MAMDC4: variants seen among roughly 807,000 people sequenced by gnomAD.
MAMDC4 encodes apical endosomal glycoprotein.
A neutral mutation model predicts 153.3 loss-of-function variants in MAMDC4; 168 were observed. The observed-to-expected ratio is 1.10, with a 90% confidence interval of 0.97 to 1.25. MAMDC4 has a LOEUF of 1.25. Among genes scored for constraint, MAMDC4 ranks in the 50% most tolerant of loss-of-function variants. The pLI, the probability that MAMDC4 is intolerant of heterozygous loss-of-function variation, is 0.00. For synonymous variants in MAMDC4, 744 were observed against 651.5 expected (o/e 1.14, Z -2.16); for missense variants, 1,701 against 1,542.8 (o/e 1.10, Z -1.72).
rs371230638 is a variant in MAMDC4, at chr9:136,856,242, C to T, written c.1720+93C>T. On this transcript the variant is annotated intron_variant, in intron 14 of 26. Coordinates refer to ENST00000317446, the MANE Select transcript of MAMDC4 (RefSeq NM_206920.3). ...GGGCCGGGTGACCCACAGTGCCCCC[C>T]GCCCCGCTGGCCAGGCTTCCTGGCA... is the stretch of plus-strand genomic sequence containing the variant. 82 of 1,588,826 alleles carry T rather than the reference C, an allele frequency of 5.2e-5. 1 individual carries two copies. Among genetic ancestry groups the T allele is most frequent in the African/African-American group, 3.0e-4 (22 of 74,526 alleles).
chr9:136,857,329 G>C, intron 17 of MAMDC4, 31 bp downstream of exon 17: 2 of 1,607,626 alleles, frequency 1.2e-6, no homozygotes, highest in South Asian at 2.2e-5. Context: ...GGGAGGACAG[G>C]GCAGGGCCCC....
chr9:136,858,917 T>C (rs1849047366), intron 23 of MAMDC4, 64 bp downstream of exon 23: 3 of 1,551,266 alleles, frequency 1.9e-6, no homozygotes, highest in Admixed American at 4.1e-5. Flanking sequence ...GGAGCAGAGG[T>C]GGGGAGGTGG....
Position 136,859,218 on chromosome 9 carries a change from G to C in MAMDC4, c.3094G>C (p.Glu1032Gln). 4 of 1,611,246 alleles carry C rather than the reference G, an allele frequency of 2.5e-6. No individual in the cohort carries two copies. Among genetic ancestry groups the C allele is most frequent in the Non-Finnish European group, 3.4e-6 (4 of 1,178,998 alleles). Reference protein sequence around the residue: ...ASAKEFQIVFEATLGGQPALG... With the variant: ...ASAKEFQIVFQATLGGQPALG... Reference sequence around the variant, plus strand: ...TTTCCTTCTCCATCAGATCGTGTTTGAAGCCACTCTGGGCGGCCAGCCAGC... The same window carrying C: ...TTTCCTTCTCCATCAGATCGTGTTTCAAGCCACTCTGGGCGGCCAGCCAGC... The change falls in exon 25 of 27, where the codon GAA (glutamate) becomes CAA (glutamine). Residue 1032 changes from glutamate to glutamine, a missense_variant. By Grantham distance (29) the Glu-to-Gln change is conservative. Transcript: ENST00000317446.
In MAMDC4 at chr9:136,853,689, AGGCTCGTGGGG is replaced by A. The variant is rs769232048; in HGVS notation, c.454+22_454+32del. On this transcript the variant is annotated intron_variant, in intron 4 of 26. Transcript: ENST00000317446. ...TCTGGAGGTGCACCCTGGACCCCCA[AGGCTCGTGGGG>A]GGTGCCCAAGGGGAGGGCGGGTGGG... 1.5e-6 allele frequency: 2 copies of A among 1,293,156 alleles called. No homozygotes were observed. Among genetic ancestry groups the A allele is most frequent in the South Asian group, 2.3e-5 (2 of 85,534 alleles). 80.1% of individuals were successfully genotyped at this position (1,293,156 alleles called of 1,614,324 possible). A position where few individuals can be genotyped will look rare whatever the true frequency, so the allele number is the denominator to read the frequency against.
rs945361066 is a variant in MAMDC4 at position 136,853,628 on chromosome 9, T to G, written c.412T>G (p.Ser138Ala). Residue 138 changes from serine to alanine, a missense_variant, in exon 4 of 27, where the codon TCC becomes GCC. Transcript: ENST00000317446. ...LRSPTLREAA[S>A]SCKLRLWYHA... ...CTCGCCAACCCTGCGAGAGGCAGCC[T>G]CCTCTTGCAAGCTGAGGCTCTGGTA... 13 of 1,602,832 alleles carry G rather than the reference T, an allele frequency of 8.1e-6. No homozygotes were observed. The highest frequency in any genetic ancestry group is 9.4e-6 in the Non-Finnish European group (11 of 1,174,644).
intron 26 of MAMDC4, 119 bp downstream of exon 26, chr9:136,860,183 C>T: frequency 1.7e-6 from 2 of 1,178,792 alleles, no homozygotes; most frequent in African/African-American, 1.5e-5. Flanking sequence ...AAGGCCCATC[C>T]TTGCCCTCCC....
Position 136,859,216 on chromosome 9 carries a change from T to C in MAMDC4, c.3092T>C (p.Phe1031Ser). Residue 1031 changes from phenylalanine (F) to serine (S), a missense_variant, in exon 25 of 27, where the codon TTT (phenylalanine) becomes TCT (serine). Coordinates refer to ENST00000317446, the MANE Select transcript of MAMDC4 (RefSeq NM_206920.3). The stretch of plus-strand genomic sequence containing the variant: ...CCTTTCCTTCTCCATCAGATCGTGT[T>C]TGAAGCCACTCTGGGCGGCCAGCCA... The part of the protein sequence containing the change: ...VASAKEFQIV[F>S]EATLGGQPAL... The C allele has an allele frequency of 1.9e-6, 3 of 1,611,192 alleles. No individual in the cohort carries two copies. Among genetic ancestry groups the C allele is most frequent in the South Asian group, 1.1e-5 (1 of 90,874 alleles).
Position 136,858,406 on chromosome 9 carries a change from G to T in MAMDC4, c.2681G>T (p.Cys894Phe). 6.2e-7 allele frequency: 1 copy of T among 1,602,852 alleles called. No individual in the cohort carries two copies. The highest frequency in any genetic ancestry group is 8.5e-7 in the Non-Finnish European group (1 of 1,179,838). The change falls in exon 22 of 27, where the codon TGT becomes TTT. Residue 894 changes from cysteine (C) to phenylalanine (F), a missense_variant. Physicochemically the swap from Cys to Phe is radical, Grantham distance 205. Transcript: ENST00000317446. ...QDGPCPQPGS[C>F]DFESGLCGWS... is the part of the protein sequence containing the mutation. ...ACCCACCCATGTCCTGCAGGTTCCT[G>T]TGATTTTGAGTCTGGCCTGTGTGGC...
At chr9:136,858,336 C>G (rs915501645) in intron 21 of MAMDC4, 60 bp downstream of exon 21, 1 of 1,600,028 alleles carries the variant, frequency 6.2e-7, no homozygotes, top group African/African-American at 1.3e-5. Context: ...CCTTTCCCTT[C>G]GTAGTCGTGG....
chr9:136,859,543 C>T (rs960446643), intron 25 of MAMDC4: 1 of 595,934 alleles, frequency 1.7e-6, no homozygotes, highest in Non-Finnish European at 2.9e-6. Context: ...GCCTCTGGGG[C>T]CTGCCCTGCC....
intron 1 of MAMDC4, among the ~76,000 whole-genome samples, chr9:136,852,851 C>T (rs1465797796): frequency 6.6e-6 from 1 of 152,218 alleles, no homozygotes; most frequent in Non-Finnish European, 1.5e-5. Context: ...GTTCCTGCTA[C>T]CTTTCTTGGG....
In MAMDC4 at chr9:136,853,669, A is replaced by G; in HGVS notation, c.453A>G (p.Gly151=). Residue 151 remains glycine, a splice_region_variant and synonymous_variant, in exon 4 of 27, where the codon GGA becomes GGG. Transcript: ENST00000317446. ...GGCTCTGGTACCACGCGGCCTCTGG[A>G]GGTGCACCCTGGACCCCCAAGGCTC... ...KLRLWYHAAS[G]DVAELRVELT... 2.2e-6 allele frequency: 3 copies of G among 1,360,640 alleles called. No individual in the cohort carries two copies. In the South Asian group the frequency reaches 3.4e-5, roughly 16 times the overall value. 84.3% of individuals were successfully genotyped at this position (1,360,640 alleles called of 1,614,324 possible).
At position 136,859,255 on chromosome 9, in the gene MAMDC4, T is replaced by C. The variant is rs772071918; in HGVS notation, c.3131T>C (p.Ile1044Thr). 1.6e-5 allele frequency: 26 copies of C among 1,611,974 alleles called. No individual in the cohort carries two copies. Among genetic ancestry groups the C allele is most frequent in the African/African-American group, 2.7e-5 (2 of 74,910 alleles). ...GGCGGCCAGCCAGCCCTGGGGCCCA[T>C]TGCCCTGGATGACGTGGAGTATCTG... is the stretch of plus-strand genomic sequence containing the variant. ...TLGGQPALGP[I>T]ALDDVEYLAG... Residue 1044 changes from isoleucine (I) to threonine (T), a missense_variant, in exon 25 of 27, where the codon ATT (isoleucine) becomes ACT (threonine). Transcript: ENST00000317446.
In MAMDC4 at chr9:136,853,120, C is replaced by T. The variant is rs764284938; in HGVS notation, c.65C>T (p.Ala22Val). ...CCAGCAGCAGGGTCCTCAGGCTGGG[C>T]CTGGGTCCCCAACCACTGCAGGAGC... Reference protein sequence around the residue: ...VLFLAGSSGWAWVPNHCRSPG... With the variant: ...VLFLAGSSGWVWVPNHCRSPG... Residue 22 changes from alanine (A) to valine (V), a missense_variant, in exon 2 of 27, where the codon GCC becomes GTC. Coordinates refer to ENST00000317446, the MANE Select transcript of MAMDC4 (RefSeq NM_206920.3). 5 of 1,612,598 alleles carry T rather than the reference C, an allele frequency of 3.1e-6. No individual in the cohort carries two copies. The South Asian group carries it at 4.4e-5, about 14-fold the overall frequency.
chr9:136,857,195 GGGA>G lies in MAMDC4; in HGVS notation c.2008_2010del (p.Glu670del), dbSNP rs1198009824. 1 of 1,612,340 alleles carries G rather than the reference GGGA, an allele frequency of 6.2e-7. No homozygotes were observed. Among genetic ancestry groups the G allele is most frequent in the South Asian group, 1.1e-5 (1 of 90,978 alleles). On this transcript the variant is annotated inframe_deletion, in exon 17 of 27. Transcript: ENST00000317446. ...CTGCGCCTAGCCATGAGACGGGAAG[GGGA>G]GGAGACACACCTGTGGTCGCGGTCA...
At position 136,852,384 on chromosome 9, in the gene MAMDC4, C is replaced by T. The variant is rs1348487960; in HGVS notation, c.-33C>T. 1 of 1,607,056 alleles carries T rather than the reference C, an allele frequency of 6.2e-7. No homozygotes were observed. The highest frequency in any genetic ancestry group is 1.7e-5 in the Admixed American group (1 of 60,028). ...AACCGCACGGAACTTCCCAGGCACC[C>T]TGTGTGGCCGCACTGCTCCCTCTGG... On this transcript the variant is annotated 5_prime_UTR_variant, in exon 1 of 27. Coordinates refer to ENST00000317446, the MANE Select transcript of MAMDC4 (RefSeq NM_206920.3).
rs749064948 is a variant in MAMDC4 at position 136,860,044 on chromosome 9, G to A, written c.3352G>A (p.Asp1118Asn). 10 of 1,595,784 alleles carry A rather than the reference G, an allele frequency of 6.3e-6. No individual in the cohort carries two copies. In the Admixed American group the frequency reaches 7.0e-5, roughly 11 times the overall value. Residue 1118 changes from aspartate to asparagine, a missense_variant, in exon 26 of 27, where the codon GAC becomes AAC. Transcript: ENST00000317446. ...SNTEATAPGFDNILFNADGVT... is the reference protein window; with the variant it reads ...SNTEATAPGFNNILFNADGVT... ...CACAGAGGCCACAGCCCCTGGCTTTGACAACATCCTTTTCAATGCGGTAGG... is the reference window on the plus strand; with the variant it reads ...CACAGAGGCCACAGCCCCTGGCTTTAACAACATCCTTTTCAATGCGGTAGG...
Position 136,860,702 on chromosome 9 carries a change from C to G in MAMDC4, c.*99C>G. ...CCTGCCCCGCCCAGGCTGGGACAGG[C>G]TGCAGGTCTCAGGATATGCTGAGGC... On this transcript the variant is annotated 3_prime_UTR_variant, in exon 27 of 27. Coordinates refer to ENST00000317446, the MANE Select transcript of MAMDC4 (RefSeq NM_206920.3). 7.4e-7 allele frequency: 1 copy of G among 1,353,784 alleles called. No individual in the cohort carries two copies. The highest frequency in any genetic ancestry group is 1.8e-4 in the Middle Eastern group (1 of 5,526). The allele number at this position is 1,353,784 out of a possible 1,614,324, so 83.9% of individuals were successfully genotyped here.
intron 19 of MAMDC4, 79 bp downstream of exon 19, chr9:136,857,875 A>T: frequency 6.6e-7 from 1 of 1,517,200 alleles, no homozygotes; most frequent in Non-Finnish European, 8.8e-7. Context: ...TGCTGAGGCC[A>T]CTGGGGAGCC....
Sources: gnomAD v4.1 joint callset for allele counts (sites outside exome capture counted in the v4.1 genomes callset) on GRCh38, gnomAD v4.1.1 for gene constraint, MANE v1.5 for transcripts, NCBI Gene and HGNC (gene_info 2026-07-23, HGNC 2026-07-21) for gene names.